The following MAP1A variants were observed in gnomAD, a reference collection of about 807,000 sequenced individuals.
MAP1A encodes the protein microtubule-associated protein 1A.
Under a neutral mutation model 185.9 loss-of-function variants are expected in MAP1A, and 42 were observed. The ratio of observed to expected loss-of-function variants is 0.23; its 90% CI spans 0.18 to 0.29. The LOEUF is 0.29. MAP1A is among the 10% of genes least tolerant of loss of function. MAP1A has a pLI of 1.00. For synonymous variants in MAP1A, 1,229 were observed against 1,335.9 expected (o/e 0.92, Z 1.74); for missense variants, 2,995 against 3,450.4 (o/e 0.87, Z 3.31).
Position 43,521,842 on chromosome 15 carries a change from G to C in MAP1A, c.369G>C (p.Trp123Cys). The change falls in exon 4 of 6, where the codon TGG becomes TGC. Residue 123 changes from tryptophan (W) to cysteine (C), a missense_variant. Physicochemically the swap from Trp to Cys is radical, Grantham distance 215. Around this residue, in one of 3 missense-constraint regions of MAP1A, gnomAD observed 264 missense variants for 435.3 expected, o/e 0.61. Transcript: ENST00000300231. This position sits in a 1 kb window ranked among gnomAD's most constrained non-coding sequence, Gnocchi z 4.6. ...AGGGCTCTAGCAGTTACAGCGACTG[G>C]GTGAAGAACCTTATCTCTCCTGAGC... ...QSQGSSSYSD[W>C]VKNLISPELG... 1 of 1,614,196 alleles carries C rather than the reference G, an allele frequency of 6.2e-7. No individual in the cohort carries two copies. Among genetic ancestry groups the C allele is most frequent in the Non-Finnish European group, 8.5e-7 (1 of 1,180,046 alleles).
rs2079369963 is a variant in MAP1A, at chr15:43,531,133, C to T, written c.*909C>T. The T allele has an allele frequency of 6.5e-6, 1 of 152,756 alleles. No individual in the cohort carries two copies. The highest frequency in any genetic ancestry group is 6.5e-5 in the Admixed American group (1 of 15,284). 9.5% of individuals were successfully genotyped at this position (152,756 alleles called of 1,614,324 possible). A position where few individuals can be genotyped will look rare whatever the true frequency, so the allele number is the denominator to read the frequency against. On this transcript the variant is annotated 3_prime_UTR_variant, in exon 6 of 6. Transcript: ENST00000300231. ...GACATCCCAACATTTGACACCCCAG[C>T]AATGTGTGACTCCCCCAACATTCCA...
chr15:43,529,843 CA>C lies in MAP1A; in HGVS notation c.8231del (p.Lys2744ArgfsTer10). ...CTGTGCTGGATGCCCTGCTGGAGGG[CA>C]AGGCCCAGTGGGGGGAGAATCTTCA... is the stretch of plus-strand genomic sequence containing the variant. Reference protein sequence around the residue: ...RAVLDALLEGKAQWGENLQVT... With the variant: ...RAVLDALLEGXAQWGENLQVT... On this transcript the variant is annotated frameshift_variant, in exon 5 of 6. Coordinates refer to ENST00000300231, the MANE Select transcript of MAP1A (RefSeq NM_002373.6). LOFTEE classifies it high-confidence loss of function. The surrounding 1 kb of genome is among the most constrained non-coding windows in gnomAD (Gnocchi z 4.3). 6.2e-7 allele frequency: 1 copy of C among 1,613,822 alleles called. No homozygotes were observed. Among genetic ancestry groups the C allele is most frequent in the Non-Finnish European group, 8.5e-7 (1 of 1,180,026 alleles).
chr15:43,527,677 C>G lies in MAP1A; in HGVS notation c.6204C>G (p.Ile2068Met), dbSNP rs758931595. The change falls in exon 4 of 6, where the codon ATC (isoleucine) becomes ATG (methionine). Residue 2068 changes from isoleucine (I) to methionine (M), a missense_variant. Physicochemically the swap from Ile to Met is conservative, Grantham distance 10 (BLOSUM62 1). Around this residue, in one of 3 missense-constraint regions of MAP1A, gnomAD observed 2,728 missense variants for 2,986.0 expected, o/e 0.91. Coordinates refer to ENST00000300231, the MANE Select transcript of MAP1A (RefSeq NM_002373.6). ...CTGCAGTTCCCCCCCGTGCTCCTAT[C>G]CTGAGCAAAGGCCCAAGCCCCCCTC... ...TPPAVPPRAP[I>M]LSKGPSPPLN... is the part of the protein sequence containing the mutation. The G allele has an allele frequency of 1.9e-6, 3 of 1,598,496 alleles. No individual in the cohort carries two copies. Among genetic ancestry groups the G allele is most frequent in the African/African-American group, 2.7e-5 (2 of 74,012 alleles).
rs2584721 is a variant in MAP1A, at chr15:43,529,306, C to G, written c.7833C>G (p.Gly2611=). Residue 2611 remains glycine, a synonymous_variant, in exon 4 of 6, where the codon GGC becomes GGG. Transcript: ENST00000300231. The surrounding 1 kb of genome is among the most constrained non-coding windows in gnomAD (Gnocchi z 4.3). ...GGCGAGTAGGGCGCAGGGCCCCAGG[C>G]AAGGCCAAGCCAGCGTCCCCTGCAC... is the stretch of plus-strand genomic sequence containing the variant. ...VQGRVGRRAP[G]KAKPASPARR... is the part of the protein sequence containing the mutation. The G allele has an allele frequency of 6.2e-7, 1 of 1,614,004 alleles. No homozygotes were observed. The highest frequency in any genetic ancestry group is 8.5e-7 in the Non-Finnish European group (1 of 1,180,024).
rs535267208 is a variant in MAP1A, at chr15:43,523,309, T to A, written c.1836T>A (p.Ser612=). 1 of 1,611,808 alleles carries A rather than the reference T, an allele frequency of 6.2e-7. No individual in the cohort carries two copies. The highest frequency in any genetic ancestry group is 1.1e-5 in the South Asian group (1 of 90,784). Reference sequence around the variant, plus strand: ...GCAGCAAGGACAGAGGCCTAGACTCTGGGGCTGAAACAGAGGAAGAGAAAG... The same window carrying A: ...GCAGCAAGGACAGAGGCCTAGACTCAGGGGCTGAAACAGAGGAAGAGAAAG... ...EQGSKDRGLD[S]GAETEEEKDT... The change falls in exon 4 of 6, where the codon TCT becomes TCA. Residue 612 remains serine, a synonymous_variant. Coordinates refer to ENST00000300231, the MANE Select transcript of MAP1A (RefSeq NM_002373.6).
rs556824429 is a variant in MAP1A at position 43,518,711 on chromosome 15, C to G, written c.-375+1011C>G. On this transcript the variant is annotated intron_variant, in intron 1 of 5. Transcript: ENST00000300231. ...CTCAGCCTCTGCACCGCAGCCCACC[C>G]CCCCCCGCAACTCCAGCACTGGCTG... is the stretch of plus-strand genomic sequence containing the variant. Among the ~76,000 whole-genome samples, 255 of 130,478 alleles carry G rather than the reference C, an allele frequency of 2.0e-3. 6 individuals are homozygous for G. The highest frequency in any genetic ancestry group is 3.2e-3 in the Non-Finnish European group (201 of 63,364). The allele number at this position is 130,478 out of a possible 152,430, so 85.6% of individuals were successfully genotyped here. A position where few individuals can be genotyped will look rare whatever the true frequency, so the allele number is the denominator to read the frequency against.
At chr15:43,510,971 C>G in exon 1 of MAP1A, 1 of 1,510,932 alleles carries the variant, frequency 6.6e-7, no homozygotes, top group South Asian at 1.2e-5. Flanking sequence ...GCCGGACTAA[C>G]ACTCCGCGGG....
In MAP1A at chr15:43,525,657, A is replaced by C. The variant is rs371995390; in HGVS notation, c.4184A>C (p.His1395Pro). 12 of 1,614,010 alleles carry C rather than the reference A, an allele frequency of 7.4e-6. No homozygotes were observed. Among genetic ancestry groups the C allele is most frequent in the African/African-American group, 6.7e-5 (5 of 74,904 alleles). The change falls in exon 4 of 6, where the codon CAT becomes CCT. Residue 1395 changes from histidine (H) to proline (P), a missense_variant. His to Pro is a moderately conservative substitution (Grantham distance 77, BLOSUM62 -2). Around this residue, in one of 3 missense-constraint regions of MAP1A, gnomAD observed 2,728 missense variants for 2,986.0 expected, o/e 0.91. Coordinates refer to ENST00000300231, the MANE Select transcript of MAP1A (RefSeq NM_002373.6). ...TAIYQKDEALHVKNEAVKQQD... is the reference protein window; with the variant it reads ...TAIYQKDEALPVKNEAVKQQD... ...ATCTATCAGAAAGATGAGGCTCTGC[A>C]TGTAAAGAATGAGGCTGTGAAACAG...
intron 1 of MAP1A, chr15:43,512,100 C>A (rs775066655): frequency 1.3e-6 from 1 of 748,548 alleles, no homozygotes; most frequent in South Asian, 1.5e-5. Flanking sequence ...CCTCTCCTTA[C>A]CTGTTCTGTG....
chr15:43,522,055 T>C lies in MAP1A; in HGVS notation c.582T>C (p.Gly194=), dbSNP rs756570041. ...CACTGACCCTCTTCCACAAAATGGGTGTGGGCCGGCTGGACATGTATGTCC... is the reference window on the plus strand; with the variant it reads ...CACTGACCCTCTTCCACAAAATGGGCGTGGGCCGGCTGGACATGTATGTCC... ...IEPLTLFHKM[G]VGRLDMYVLN... Residue 194 remains glycine (G), a synonymous_variant, in exon 4 of 6, where the codon GGT becomes GGC. Transcript: ENST00000300231. This position sits in a 1 kb window ranked among gnomAD's most constrained non-coding sequence, Gnocchi z 5.9. 8 of 1,613,978 alleles carry C rather than the reference T, an allele frequency of 5.0e-6. No homozygotes were observed. Among genetic ancestry groups the C allele is most frequent in the African/African-American group, 4.0e-5 (3 of 74,898 alleles).
rs1222112158 is a variant in MAP1A, at chr15:43,527,602, A to G, written c.6129A>G (p.Val2043=). The part of the protein sequence containing the change: ...FSYAALAGPT[V]PPRPEPGPSM... ...ATGCAGCCCTGGCAGGACCCACTGT[A>G]CCCCCAAGGCCAGAGCCAGGGCCAA... Residue 2043 remains valine, a synonymous_variant, in exon 4 of 6, where the codon GTA becomes GTG. Transcript: ENST00000300231. 1 of 1,613,062 alleles carries G rather than the reference A, an allele frequency of 6.2e-7. No individual in the cohort carries two copies. Among genetic ancestry groups the G allele is most frequent in the Admixed American group, 1.7e-5 (1 of 59,936 alleles).
In MAP1A at chr15:43,521,209, C is replaced by T. The variant is rs149697853; in HGVS notation, c.-151+97C>T. 16 of 1,474,788 alleles carry T rather than the reference C, an allele frequency of 1.1e-5. No homozygotes were observed. The highest frequency in any genetic ancestry group is 4.3e-4 in the Middle Eastern group (2 of 4,610). The allele number at this position is 1,474,788 out of a possible 1,614,324, so 91.4% of individuals were successfully genotyped here. ...TCATATTGCATGACCATGGGGGGCC[C>T]TGGCAGAAAGGTAAGAGTCCACCTT... On this transcript the variant is annotated intron_variant, in intron 3 of 5. Transcript: ENST00000300231. The surrounding 1 kb of genome is among the most constrained non-coding windows in gnomAD (Gnocchi z 4.6).
rs762430177 is a variant in MAP1A, at chr15:43,527,920, C to T, written c.6447C>T (p.Pro2149=). The T allele has an allele frequency of 2.9e-5, 47 of 1,614,058 alleles. No individual in the cohort carries two copies. The highest frequency in any genetic ancestry group is 5.5e-5 in the South Asian group (5 of 91,094). Residue 2149 remains proline, a synonymous_variant, in exon 4 of 6, where the codon CCC becomes CCT. Transcript: ENST00000300231. ...AAACTGAGGCACATGTTAGCCCTCC[C>T]TTGGACTCACACCTGGGGCCTGCCC... is the stretch of plus-strand genomic sequence containing the variant. ...WPETEAHVSP[P]LDSHLGPARP...
chr15:43,518,138 G>A (rs964902475), intron 1 of MAP1A, among the ~76,000 whole-genome samples: 7 of 152,130 alleles, frequency 4.6e-5, no homozygotes, highest in Non-Finnish European at 7.4e-5. Flanking sequence ...CTCCTATGCT[G>A]GGGGTGAGCA....
In MAP1A at chr15:43,530,281, T is replaced by A; in HGVS notation, c.*57T>A. The A allele has an allele frequency of 1.9e-6, 3 of 1,597,634 alleles. No individual in the cohort carries two copies. Among genetic ancestry groups the A allele is most frequent in the East Asian group, 4.5e-5 (2 of 44,802 alleles). On this transcript the variant is annotated 3_prime_UTR_variant, in exon 6 of 6. Coordinates refer to ENST00000300231, the MANE Select transcript of MAP1A (RefSeq NM_002373.6). ...TCCCCCAGCTCCTTTAGAGAATGGC[T>A]ACTGCTGAGTCCTTTGGGGTTGAGG...
rs773593455 is a variant in MAP1A at position 43,523,781 on chromosome 15, A to G, written c.2308A>G (p.Thr770Ala). The G allele has an allele frequency of 1.2e-6, 2 of 1,614,090 alleles. No individual in the cohort carries two copies. The highest frequency in any genetic ancestry group is 1.3e-5 in the African/African-American group (1 of 75,044). Residue 770 changes from threonine to alanine, a missense_variant, in exon 4 of 6, where the codon ACA becomes GCA. Transcript: ENST00000300231. ...GCGCCCAGCTCCACCCAGATTTCAT[A>G]CAAGTACATATGACCTGCCCGGGCC... ...EERPAPPRFHTSTYDLPGPEG... is the reference protein window; with the variant it reads ...EERPAPPRFHASTYDLPGPEG...
In MAP1A at chr15:43,523,064, C is replaced by G; in HGVS notation, c.1591C>G (p.Leu531Val). 1 of 1,614,170 alleles carries G rather than the reference C, an allele frequency of 6.2e-7. No homozygotes were observed. The highest frequency in any genetic ancestry group is 8.5e-7 in the Non-Finnish European group (1 of 1,180,024). The change falls in exon 4 of 6, where the codon CTC (leucine) becomes GTC (valine). Residue 531 changes from leucine to valine, a missense_variant. Transcript: ENST00000300231. ...GCTGGTCCTATCCTCACCAGAGGAC[C>G]TCACACAGGACTTTGAGGAGATGAA... Reference protein sequence around the residue: ...RELVLSSPEDLTQDFEEMKRE... With the variant: ...RELVLSSPEDVTQDFEEMKRE...
upstream of MAP1A, among the ~76,000 whole-genome samples, chr15:43,513,852 T>C (rs552452100): frequency 6.6e-6 from 1 of 152,344 alleles, no homozygotes; most frequent in South Asian, 2.1e-4. Flanking sequence ...AAAGGCCAGA[T>C]ACAGGGATGA....
rs1220102827 is a variant in MAP1A at position 43,527,801 on chromosome 15, C to T, written c.6328C>T (p.Leu2110=). Residue 2110 remains leucine (L), a synonymous_variant, in exon 4 of 6, where the codon CTG becomes TTG. Transcript: ENST00000300231. ...GGATGACAGCACTAGTGACTCAGAA[C>T]TGGAGAAGGGGGCTCGGGAACAGCC... The part of the protein sequence containing the change: ...HWDDSTSDSE[L]EKGAREQPEK... 1 of 1,613,880 alleles carries T rather than the reference C, an allele frequency of 6.2e-7. No homozygotes were observed.
Sources: gnomAD v4.1 joint callset for allele counts (sites outside exome capture counted in the v4.1 genomes callset) on GRCh38, gnomAD v4.1.1 for gene constraint, gnomAD v4.1.1 regional missense constraint, Gnocchi (gnomAD v3.1) non-coding constraint, MANE v1.5 for transcripts, NCBI Gene and HGNC (gene_info 2026-07-23, HGNC 2026-07-21) for gene names.